Variants in ARK2N observed in about 807,000 individuals in gnomAD.
ARK2N encodes protein ARK2N.
chr18:46,174,529 T>TG, the ARK2N span, among the ~76,000 whole-genome samples: 2 of 152,032 alleles, frequency 1.3e-5, no homozygotes, highest in Non-Finnish European at 2.9e-5. Context: ...CGGCTGACGC[T>TG]GGGGCATCGC....
At chr18:46,205,166 C>A in the ARK2N span, among the ~76,000 whole-genome samples, 7 of 152,052 alleles carry the variant, frequency 4.6e-5, no homozygotes, top group South Asian at 1.5e-3. Context: ...CCTCGGCCCC[C>A]CAAAGTGCTA....
the ARK2N span, among the ~76,000 whole-genome samples, chr18:46,201,780 T>TTTTC: frequency 5.8e-5 from 5 of 85,834 alleles, no homozygotes; most frequent in South Asian, 8.7e-4. Flanking sequence ...TTTTCTTTTC[T>TTTTC]TTTTTTTTTT....
At chr18:46,204,280 A>G in the ARK2N span, among the ~76,000 whole-genome samples, 16 of 152,188 alleles carry the variant, frequency 1.1e-4, no homozygotes, top group Admixed American at 9.2e-4. Context: ...GCTAAATTAG[A>G]TAAATAGCAT....
chr18:46,259,887 G>C, the ARK2N span, among the ~76,000 whole-genome samples: 4 of 56,296 alleles, frequency 7.1e-5, no homozygotes, highest in Non-Finnish European at 1.8e-4. Flanking sequence ...CCTCCCGTCT[G>C]TGTGTGTGTG....
chr18:46,244,465 G>T, the ARK2N span, among the ~76,000 whole-genome samples: 8 of 152,032 alleles, frequency 5.3e-5, no homozygotes, highest in Non-Finnish European at 1.2e-4. Flanking sequence ...AATGAATCCT[G>T]GGTTTCCTGT....
At chr18:46,187,012 G>A in the ARK2N span, among the ~76,000 whole-genome samples, 6 of 151,326 alleles carry the variant, frequency 4.0e-5, no homozygotes, top group African/African-American at 1.2e-4. Context: ...GCGTCATCAT[G>A]ACTGGCAAAT....
At chr18:46,236,807 G>A in the ARK2N span, among the ~76,000 whole-genome samples, 1 of 150,982 alleles carries the variant, frequency 6.6e-6, no homozygotes, top group South Asian at 2.1e-4. Flanking sequence ...TGAACTGATA[G>A]AGTCAAATAG....
At chr18:46,241,651 G>A in the ARK2N span, among the ~76,000 whole-genome samples, 1 of 151,918 alleles carries the variant, frequency 6.6e-6, no homozygotes, top group Non-Finnish European at 1.5e-5. Context: ...CTTGAACCTG[G>A]GAGGCAGAGG....
At chr18:46,216,904 G>A in the ARK2N span, 1 of 294,802 alleles carries the variant, frequency 3.4e-6, no homozygotes, top group South Asian at 5.0e-5. This position sits in a 1 kb window ranked among gnomAD's most constrained non-coding sequence, Gnocchi z 4.3. Context: ...TTGCCTTTTT[G>A]GCACTGCTTA....
the ARK2N span, among the ~76,000 whole-genome samples, chr18:46,187,750 G>GT: frequency 2.6e-5 from 4 of 152,130 alleles, no homozygotes; most frequent in African/African-American, 9.7e-5. Flanking sequence ...GAAGTGCCCA[G>GT]TTTCCTTGAT....
At chr18:46,234,829 A>C in the ARK2N span, among the ~76,000 whole-genome samples, 1 of 152,328 alleles carries the variant, frequency 6.6e-6, no homozygotes, top group South Asian at 2.1e-4. Flanking sequence ...TTTTGACAGC[A>C]ACAAGACAGA....
chr18:46,207,786 C>G, the ARK2N span, among the ~76,000 whole-genome samples: 1 of 152,208 alleles, frequency 6.6e-6, no homozygotes, highest in Non-Finnish European at 1.5e-5. Flanking sequence ...TGCAACCCTT[C>G]CATAATCTGT....
the ARK2N span, among the ~76,000 whole-genome samples, chr18:46,229,730 A>C: frequency 6.6e-6 from 1 of 151,498 alleles, no homozygotes; most frequent in African/African-American, 2.4e-5. Context: ...GATCTTCCCT[A>C]GTAGCTGGGA....
the ARK2N span, among the ~76,000 whole-genome samples, chr18:46,187,429 C>T: frequency 6.6e-6 from 1 of 151,442 alleles, no homozygotes; most frequent in South Asian, 2.1e-4. Flanking sequence ...GCAACCTCCG[C>T]CTCCCGGGTT....
chr18:46,252,688 A>G, the ARK2N span, among the ~76,000 whole-genome samples: 1 of 152,190 alleles, frequency 6.6e-6, no homozygotes, highest in Non-Finnish European at 1.5e-5. Flanking sequence ...TAGAGGGTAA[A>G]TGAGAATTTG....
the ARK2N span, among the ~76,000 whole-genome samples, chr18:46,238,687 A>G: frequency 2.6e-5 from 4 of 152,056 alleles, no homozygotes; most frequent in African/African-American, 9.7e-5. Context: ...ATTTACTTTT[A>G]TGTTTGGTCA....
At chr18:46,236,963 A>G in the ARK2N span, among the ~76,000 whole-genome samples, 1 of 151,568 alleles carries the variant, frequency 6.6e-6, no homozygotes, top group Non-Finnish European at 1.5e-5. Context: ...TCCTGGGTTC[A>G]AGTGATTCTC....
chr18:46,212,212 G>A, the ARK2N span, among the ~76,000 whole-genome samples: 289 of 152,220 alleles, frequency 1.9e-3, 2 homozygotes, highest in Middle Eastern at 0.02. Context: ...CCCCAGAAAA[G>A]CACAACTTCT....
At chr18:46,199,620 T>G in the ARK2N span, among the ~76,000 whole-genome samples, 1 of 152,028 alleles carries the variant, frequency 6.6e-6, no homozygotes. Flanking sequence ...TGTGTCTTTC[T>G]TGTAAGGTTG....
Sources: allele counts gnomAD v4.1 joint callset (sites outside exome capture counted in the v4.1 genomes callset), GRCh38; gene constraint gnomAD v4.1.1; non-coding constraint Gnocchi (gnomAD v3.1); transcripts MANE v1.5; gene names NCBI Gene and HGNC (gene_info 2026-07-23, HGNC 2026-07-21).